The following SCLT1 variants were observed in gnomAD, a reference collection of about 807,000 sequenced individuals.
The protein encoded by SCLT1 is sodium channel and clathrin linker 1.
In SCLT1, 78 loss-of-function variants were observed where a neutral mutation model predicts 112.8. That is an observed-to-expected ratio of 0.69 (90% confidence interval 0.58 to 0.83). The LOEUF is 0.83. Among genes scored for constraint, SCLT1 ranks in the 40% least tolerant of loss-of-function variants. SCLT1 has a pLI of 0.00. For missense variants in SCLT1, 747 were observed against 770.4 expected, an observed-to-expected ratio of 0.97 and a Z score of 0.36; for synonymous variants, 257 against 254.7, an observed-to-expected ratio of 1.01 and a Z score of -0.09.
intron 5 of SCLT1, among the ~76,000 whole-genome samples, chr4:129,014,410 T>G (rs561237067): frequency 2.6e-5 from 4 of 152,304 alleles, no homozygotes; most frequent in African/African-American, 9.6e-5. Flanking sequence ...TCAGGATTCT[T>G]GCACTGATTC....
At chr4:128,950,010 T>C (rs1044142863) in intron 14 of SCLT1, among the ~76,000 whole-genome samples, 2 of 152,112 alleles carry the variant, frequency 1.3e-5, no homozygotes, top group Admixed American at 6.6e-5. Context: ...TTAATCACCA[T>C]TGATGATAAT....
rs1738384153 is a variant in SCLT1, at chr4:128,948,355, A to AAAAG, written c.1293+140_1293+141insCTTT. On this transcript the variant is annotated intron_variant, in intron 15 of 20. Transcript: ENST00000281142. ...CATTGCAAAAAAAAAAAAAAAAAAA[A>AAAAG]AAAAGAAAAGAAAAGAAAAACTTAC... The AAAAG allele has an allele frequency of 4.9e-6, 5 of 1,018,318 alleles. No homozygotes were observed. The South Asian group carries it at 1.1e-4, about 23-fold the overall frequency. The allele number at this position is 1,018,318 out of a possible 1,614,324, so 63.1% of individuals were successfully genotyped here. A position where few individuals can be genotyped will look rare whatever the true frequency, so the allele number is the denominator to read the frequency against.
intron 18 of SCLT1, among the ~76,000 whole-genome samples, chr4:128,894,130 T>C (rs1333559495): frequency 6.6e-6 from 1 of 151,912 alleles, no homozygotes; most frequent in Non-Finnish European, 1.5e-5. Flanking sequence ...TTTGTAGAGA[T>C]AGGGTTTTAC....
intron 2 of SCLT1, among the ~76,000 whole-genome samples, chr4:129,051,338 T>A (rs547013823): frequency 6.6e-6 from 1 of 152,204 alleles, no homozygotes; most frequent in Non-Finnish European, 1.5e-5. Context: ...TTTCACAATA[T>A]TGATTCTTCC....
Position 128,891,044 on chromosome 4 carries a change from G to T in SCLT1, c.1908+15C>A. The stretch of plus-strand genomic sequence containing the variant: ...CTGCAGCAGAAAGCACTTCCCAGGG[G>T]AGTCATTATCTCACCTCAGCTACCT... On this transcript the variant is annotated intron_variant, in intron 19 of 20. Transcript: ENST00000281142. The T allele has an allele frequency of 6.3e-7, 1 of 1,586,888 alleles. No homozygotes were observed. Among genetic ancestry groups the T allele is most frequent in the East Asian group, 2.2e-5 (1 of 44,702 alleles).
intron 8 of SCLT1, 26 bp downstream of exon 8, chr4:128,997,848 T>C (rs1743139566): frequency 8.2e-6 from 9 of 1,095,464 alleles, no homozygotes; most frequent in Middle Eastern, 2.9e-4. Context: ...GGACAATTTC[T>C]AGTTTATATA....
At chr4:128,903,074 C>G (rs1734442981) in intron 18 of SCLT1, among the ~76,000 whole-genome samples, 2 of 69,064 alleles carry the variant, frequency 2.9e-5, no homozygotes, top group African/African-American at 1.5e-4. Context: ...TTACAGTTAA[C>G]TTAAAAAAAA....
rs1736676424 is a variant in SCLT1, at chr4:128,930,577, A to C, written c.1829+6078T>G. ...ACGGAAGTGGGAATGAAAAGATAGAAGGCGTTTCAAAAGAAGAATCAATAG... is the reference window on the plus strand; with the variant it reads ...ACGGAAGTGGGAATGAAAAGATAGACGGCGTTTCAAAAGAAGAATCAATAG... On this transcript the variant is annotated intron_variant, in intron 18 of 20. Transcript: ENST00000281142. 1.3e-5 allele frequency among the ~76,000 whole-genome samples: 2 copies of C among 152,230 alleles called. 1 individual carries two copies. Among genetic ancestry groups the C allele is most frequent in the South Asian group, 4.1e-4 (2 of 4,830 alleles).
intron 5 of SCLT1, among the ~76,000 whole-genome samples, chr4:129,021,406 A>T (rs1579728560): frequency 6.6e-6 from 1 of 152,124 alleles, no homozygotes; most frequent in Non-Finnish European, 1.5e-5. Flanking sequence ...GGCGGGTCCA[A>T]CTCCCATGAA....
chr4:129,051,355 T>A (rs192484767), intron 2 of SCLT1, among the ~76,000 whole-genome samples: 65 of 152,340 alleles, frequency 4.3e-4, no homozygotes, highest in African/African-American at 1.5e-3. Flanking sequence ...TTCCTATCCA[T>A]GAGCATGGAA....
chr4:129,071,273 T>G (rs1024959744), intron 2 of SCLT1, among the ~76,000 whole-genome samples: 16 of 152,218 alleles, frequency 1.1e-4, no homozygotes, highest in African/African-American at 3.1e-4. Context: ...TGGAATGTTC[T>G]GTATATATCT....
At chr4:129,022,360 G>A (rs1745564738) in intron 5 of SCLT1, among the ~76,000 whole-genome samples, 2 of 152,178 alleles carry the variant, frequency 1.3e-5, no homozygotes, top group Admixed American at 1.3e-4. Flanking sequence ...CGTTAAAGGA[G>A]CATGTTCTAA....
At chr4:128,988,209 G>A (rs1038896382) in intron 9 of SCLT1, among the ~76,000 whole-genome samples, 3 of 152,008 alleles carry the variant, frequency 2.0e-5, no homozygotes, top group African/African-American at 7.2e-5. Flanking sequence ...TGTAATGGTG[G>A]TGTATAAACC....
chr4:129,017,768 T>C (rs1745120648), intron 5 of SCLT1, among the ~76,000 whole-genome samples: 1 of 152,218 alleles, frequency 6.6e-6, no homozygotes, highest in African/African-American at 2.4e-5. Context: ...ATAAAACGTT[T>C]TGGAGGCAAA....
intron 17 of SCLT1, among the ~76,000 whole-genome samples, chr4:128,941,363 A>C (rs539665156): frequency 1.3e-5 from 2 of 152,086 alleles, no homozygotes; most frequent in Non-Finnish European, 2.9e-5. Flanking sequence ...GGTGGTGTGT[A>C]GTGTTATCTT....
At chr4:128,992,865 GA>G (rs1742694400) in intron 8 of SCLT1, among the ~76,000 whole-genome samples, 1 of 151,966 alleles carries the variant, frequency 6.6e-6, no homozygotes, top group African/African-American at 2.4e-5. Context: ...TAGTCTTCTA[GA>G]TGTAGAAAAA....
At chr4:129,075,712 A>T (rs1428588277) in intron 2 of SCLT1, among the ~76,000 whole-genome samples, 2 of 152,184 alleles carry the variant, frequency 1.3e-5, no homozygotes, top group African/African-American at 4.8e-5. Flanking sequence ...CTATCATCAG[A>T]GAAAGATCTA....
At chr4:128,969,758 T>C (rs1740524927) in intron 10 of SCLT1, among the ~76,000 whole-genome samples, 1 of 152,132 alleles carries the variant, frequency 6.6e-6, no homozygotes. Flanking sequence ...CTGTTTTGGG[T>C]GCTTTCTGGT....
chr4:129,031,993 A>G (rs990111974), intron 5 of SCLT1, among the ~76,000 whole-genome samples: 2 of 152,200 alleles, frequency 1.3e-5, no homozygotes, highest in Non-Finnish European at 2.9e-5. Context: ...CATATAGCCA[A>G]GACAATCCTA....
Sources: allele counts gnomAD v4.1 joint callset (sites outside exome capture counted in the v4.1 genomes callset), GRCh38; gene constraint gnomAD v4.1.1; transcripts MANE v1.5; gene names NCBI Gene and HGNC (gene_info 2026-07-23, HGNC 2026-07-21).